CAMTA1: variants seen among roughly 807,000 people sequenced by gnomAD.
CAMTA1 encodes the protein calmodulin binding transcription activator 1.
A neutral mutation model predicts 170.9 loss-of-function variants in CAMTA1; 27 were observed. The observed-to-expected ratio is 0.16, with a 90% CI of 0.12 to 0.22. The LOEUF (loss-of-function observed/expected upper bound fraction) is 0.22, where lower values mean the gene tolerates loss of function less well. CAMTA1 is among the 10% of genes least tolerant of loss of function. The pLI is 1.00. For synonymous variants in CAMTA1, 833 were observed against 891.5 expected (o/e 0.93, Z 1.17); for missense variants, 1,619 against 2,217.2 (o/e 0.73, Z 5.42).
At chr1:7,363,147 CA>C (rs1486445303) in intron 5 of CAMTA1, among the ~76,000 whole-genome samples, 10 of 152,202 alleles carry the variant, frequency 6.6e-5, no homozygotes, top group Admixed American at 6.5e-4. Context: ...TTGTCTGACC[CA>C]AGTGCTAAAT....
At chr1:7,124,154 A>G (rs1484453551) in intron 4 of CAMTA1, among the ~76,000 whole-genome samples, 1 of 152,050 alleles carries the variant, frequency 6.6e-6, no homozygotes. Flanking sequence ...ACTGAGTGGG[A>G]GAGACTGAAG....
At chr1:6,911,133 T>C (rs550158463) in intron 3 of CAMTA1, among the ~76,000 whole-genome samples, 3 of 152,250 alleles carry the variant, frequency 2.0e-5, no homozygotes, top group African/African-American at 7.2e-5. Context: ...ATAGACCAAA[T>C]TGGAGGGAAA....
At chr1:7,552,059 G>A (rs2094810126) in intron 6 of CAMTA1, among the ~76,000 whole-genome samples, 1 of 152,214 alleles carries the variant, frequency 6.6e-6, no homozygotes, top group Non-Finnish European at 1.5e-5. Context: ...CTTGCCATAG[G>A]TCACACAGTG....
rs1244449817 is a variant in CAMTA1 at position 7,333,065 on chromosome 1, C to G, written c.438+83439C>G. On this transcript the variant is annotated intron_variant, in intron 5 of 22. Transcript: ENST00000303635. The surrounding 1 kb of genome is among the most constrained non-coding windows in gnomAD (Gnocchi z 4.4). ...TGGTCTGTTTCCTTGCATTCCTCAG[C>G]CATTTATTGCTGCACCCACTCCAGC... Among the ~76,000 whole-genome samples, 1 of 152,184 alleles carries G rather than the reference C, an allele frequency of 6.6e-6. No individual in the cohort carries two copies. The highest frequency in any genetic ancestry group is 2.4e-5 in the African/African-American group (1 of 41,442).
intron 6 of CAMTA1, among the ~76,000 whole-genome samples, chr1:7,480,314 A>T (rs12753185): frequency 1.1e-4 from 3 of 27,574 alleles, no homozygotes; most frequent in African/African-American, 2.4e-4. Context: ...TGCATTTGTA[A>T]GTGTGTGTGT....
intron 11 of CAMTA1, among the ~76,000 whole-genome samples, chr1:7,731,557 A>G (rs1367091457): frequency 6.7e-5 from 10 of 149,288 alleles, no homozygotes; most frequent in African/African-American, 2.2e-4. Context: ...GGGCGACACC[A>G]TGACACTCTG....
intron 4 of CAMTA1, among the ~76,000 whole-genome samples, chr1:7,178,970 G>T (rs920437690): frequency 7.2e-5 from 11 of 152,214 alleles, no homozygotes; most frequent in African/African-American, 2.7e-4. Context: ...CTGGCTGTGT[G>T]AACCAGGGAA....
At chr1:6,899,910 T>C (rs1676562075) in intron 3 of CAMTA1, among the ~76,000 whole-genome samples, 1 of 152,274 alleles carries the variant, frequency 6.6e-6, no homozygotes, top group South Asian at 2.1e-4. Flanking sequence ...CTCTGTGTTA[T>C]ACAAGCATCT....
At chr1:6,916,656 A>G (rs74051060) in intron 3 of CAMTA1, among the ~76,000 whole-genome samples, 2,453 of 152,264 alleles carry the variant, frequency 0.016, 62 homozygotes, top group African/African-American at 0.055. Context: ...GCTCTGTGTG[A>G]GACCCATGGT....
chr1:6,787,907 G>A (rs1639882106), intron 1 of CAMTA1, among the ~76,000 whole-genome samples: 2 of 152,130 alleles, frequency 1.3e-5, no homozygotes, highest in Admixed American at 1.3e-4. Flanking sequence ...TTGGACAAAC[G>A]ACAGGAGATG....
chr1:7,667,012 C>A (rs1012207067), intron 9 of CAMTA1, among the ~76,000 whole-genome samples: 4 of 152,144 alleles, frequency 2.6e-5, no homozygotes, highest in Non-Finnish European at 5.9e-5. Flanking sequence ...CCTCAGCCTG[C>A]CGAGTAGCTG....
chr1:7,474,671 G>A (rs1027426382), intron 6 of CAMTA1, among the ~76,000 whole-genome samples: 6 of 152,214 alleles, frequency 3.9e-5, no homozygotes, highest in Non-Finnish European at 5.9e-5. Flanking sequence ...CAGGAGCCCC[G>A]CTGGTACAGG....
At chr1:7,353,906 G>C (rs2149909771) in intron 5 of CAMTA1, among the ~76,000 whole-genome samples, 1 of 152,092 alleles carries the variant, frequency 6.6e-6, no homozygotes, top group African/African-American at 2.4e-5. Flanking sequence ...CTCACCTTCT[G>C]CCCACCCTCC....
rs1263356162 is a variant in CAMTA1, at chr1:7,325,107, T to C, written c.438+75481T>C. Reference sequence around the variant, plus strand: ...TCCATTCTTCCCTTCAACAGATACTTATTCAACATTAAATTCCACGCACTG... The same window carrying C: ...TCCATTCTTCCCTTCAACAGATACTCATTCAACATTAAATTCCACGCACTG... On this transcript the variant is annotated intron_variant, in intron 5 of 22. Transcript: ENST00000303635. This position sits in a 1 kb window ranked among gnomAD's most constrained non-coding sequence, Gnocchi z 5.0. Among the ~76,000 whole-genome samples the C allele has an allele frequency of 6.6e-6, 1 of 152,210 alleles. No individual in the cohort carries two copies. The highest frequency in any genetic ancestry group is 1.5e-5 in the Non-Finnish European group (1 of 68,044).
At position 7,767,843 on chromosome 1, in the gene CAMTA1, C is replaced by CAAAAAAAA. The variant is rs34335657; in HGVS notation, c.*1358_*1365dup. The stretch of plus-strand genomic sequence containing the variant: ...ATTTTGCTAAAGCATGACTAAACTG[C>CAAAAAAAA]AAAAAAAAAAAAAGAGCTACTGTAT... On this transcript the variant is annotated 3_prime_UTR_variant, in exon 23 of 23. Coordinates refer to ENST00000303635, the MANE Select transcript of CAMTA1 (RefSeq NM_015215.4). 2.2e-5 allele frequency: 3 copies of CAAAAAAAA among 136,346 alleles called. No individual in the cohort carries two copies. The highest frequency in any genetic ancestry group is 2.7e-5 in the African/African-American group (1 of 36,760). The allele number at this position is 136,346 out of a possible 1,614,324, so 8.4% of individuals were successfully genotyped here.
intron 5 of CAMTA1, among the ~76,000 whole-genome samples, chr1:7,410,846 T>G (rs550829560): frequency 6.6e-6 from 1 of 152,234 alleles, no homozygotes; most frequent in South Asian, 2.1e-4. Context: ...TACTTGCTAG[T>G]TGTGTCACTA....
intron 4 of CAMTA1, among the ~76,000 whole-genome samples, chr1:7,185,513 T>C (rs950982873): frequency 8.5e-5 from 13 of 152,226 alleles, no homozygotes; most frequent in African/African-American, 3.1e-4. Flanking sequence ...TAGTGTTTCT[T>C]ATAGTAGATT....
intron 6 of CAMTA1, among the ~76,000 whole-genome samples, chr1:7,479,743 T>C (rs1334315282): frequency 6.6e-6 from 1 of 152,210 alleles, no homozygotes; most frequent in Non-Finnish European, 1.5e-5. Flanking sequence ...GCCTCATGTC[T>C]TTCTTTGCTG....
intron 6 of CAMTA1, among the ~76,000 whole-genome samples, chr1:7,619,913 A>G (rs2095586013): frequency 6.6e-6 from 1 of 152,178 alleles, no homozygotes; most frequent in East Asian, 1.9e-4. Flanking sequence ...GGAGAAATGA[A>G]TTTTGATGGG....
Sources: allele counts gnomAD v4.1 joint callset (sites outside exome capture counted in the v4.1 genomes callset), GRCh38; gene constraint gnomAD v4.1.1; non-coding constraint Gnocchi (gnomAD v3.1); transcripts MANE v1.5; gene names NCBI Gene and HGNC (gene_info 2026-07-23, HGNC 2026-07-21).